The following DYSF variants were observed in gnomAD, a reference collection of about 807,000 sequenced individuals.
DYSF encodes dysferlin, also known as dystrophy-associated fer-1-like 1.
In DYSF, 212 loss-of-function variants were observed where a neutral mutation model predicts 274.9. The observed-to-expected ratio is 0.77, with a 90% CI of 0.69 to 0.86. The LOEUF is 0.86. DYSF is among the 40% of genes least tolerant of loss of function. DYSF has a pLI of 0.00. For synonymous variants in DYSF, 1,091 were observed against 1,078.7 expected, an observed-to-expected ratio of 1.01 and a Z score of -0.22; for missense variants, 2,666 against 2,783.2, an observed-to-expected ratio of 0.96 and a Z score of 0.95.
chr2:71,553,752 A>AAACC, intron 20 of DYSF, 55 bp from the exon 21 acceptor site: 39 of 267,792 alleles, frequency 1.5e-4, no homozygotes, highest in Non-Finnish European at 2.1e-4. Context: ...TTAGCACCCC[A>AAACC]TCCCACCCGC....
rs1377173409 is a variant in DYSF, at chr2:71,640,391, T to G, written c.4528-3574T>G. Among the ~76,000 whole-genome samples, 4 of 152,356 alleles carry G rather than the reference T, an allele frequency of 2.6e-5. No homozygotes were observed. In the South Asian group the frequency reaches 6.2e-4, roughly 24 times the overall value. On this transcript the variant is annotated intron_variant, in intron 41 of 55. Transcript: ENST00000410020. ...CATTTTTTGTTTTTGTTTTGCATATTATAAACTAGGGGCTGGCAAATTTTT... is the reference window on the plus strand; with the variant it reads ...CATTTTTTGTTTTTGTTTTGCATATGATAAACTAGGGGCTGGCAAATTTTT...
intron 30 of DYSF, among the ~76,000 whole-genome samples, chr2:71,574,910 C>A (rs1233738350): frequency 6.6e-6 from 1 of 152,052 alleles, no homozygotes; most frequent in Non-Finnish European, 1.5e-5. Context: ...TTCTCCAGGG[C>A]CGGGGTGACG....
chr2:71,564,930 G>C (rs1434379413), intron 24 of DYSF, among the ~76,000 whole-genome samples: 2 of 152,198 alleles, frequency 1.3e-5, no homozygotes, highest in African/African-American at 4.8e-5. Flanking sequence ...AAGCTGCTGT[G>C]GTCATGGTGT....
chr2:71,623,706 CTTAAAGT>C (rs1000006955), intron 41 of DYSF, among the ~76,000 whole-genome samples: 104 of 152,148 alleles, frequency 6.8e-4, no homozygotes, highest in Admixed American at 1.8e-3. Flanking sequence ...GTAGAGTCCT[CTTAAAGT>C]TTAAGATGCC....
intron 16 of DYSF, 116 bp downstream of exon 16, chr2:71,535,427 A>T (rs1464551970): frequency 7.1e-6 from 8 of 1,125,396 alleles, no homozygotes; most frequent in Non-Finnish European, 1.1e-5. Flanking sequence ...GTTTCAGGTG[A>T]GGTAATGTCC....
intron 42 of DYSF, among the ~76,000 whole-genome samples, chr2:71,645,336 G>A (rs777970245): frequency 5.3e-5 from 8 of 152,074 alleles, no homozygotes; most frequent in Non-Finnish European, 8.8e-5. Flanking sequence ...CCCTGGAGTC[G>A]CGCTGCTCAG....
At chr2:71,619,474 C>T (rs566960281) in intron 40 of DYSF, among the ~76,000 whole-genome samples, 1 of 152,296 alleles carries the variant, frequency 6.6e-6, no homozygotes, top group Non-Finnish European at 1.5e-5. Flanking sequence ...GCTTCACCTT[C>T]CGTGGGTTTC....
chr2:71,480,837 A>G, intron 1 of DYSF, 46 bp from the exon 2 acceptor site: 4 of 1,574,718 alleles, frequency 2.5e-6, no homozygotes, highest in Non-Finnish European at 3.5e-6. Flanking sequence ...GCGGAAGGTG[A>G]AAGGCGGGAT....
At chr2:71,635,626 G>A (rs1268232290) in intron 41 of DYSF, among the ~76,000 whole-genome samples, 1 of 151,592 alleles carries the variant, frequency 6.6e-6, no homozygotes, top group Middle Eastern at 3.2e-3. Flanking sequence ...GCACACACCT[G>A]TAATCCCAGC....
chr2:71,617,850 G>A (rs995477824), intron 40 of DYSF, among the ~76,000 whole-genome samples: 2 of 109,566 alleles, frequency 1.8e-5, no homozygotes, highest in African/African-American at 6.4e-5. Flanking sequence ...GTGTGGTAGA[G>A]ATGGGGTGTG....
Position 71,568,319 on chromosome 2 carries a change from T to A in DYSF, c.2845T>A (p.Phe949Ile). The change falls in exon 26 of 56, where the codon TTC becomes ATC. Residue 949 changes from phenylalanine (F) to isoleucine (I), a missense_variant. Phe to Ile is a conservative substitution (Grantham distance 21, BLOSUM62 0). Coordinates refer to ENST00000410020, the MANE Select transcript of DYSF (RefSeq NM_001130987.2). ...CGGCTGGACCTGGGCTGGAGATTGG[T>A]TCGTGTGTCCGGAGAAGACGTGAGT... ...SAGWTWAGDW[F>I]VCPEKTLLHD... The A allele has an allele frequency of 1.2e-6, 2 of 1,614,116 alleles. No homozygotes were observed. Among genetic ancestry groups the A allele is most frequent in the Non-Finnish European group, 8.5e-7 (1 of 1,179,996 alleles).
chr2:71,650,386 C>T (rs1304902931), intron 42 of DYSF, among the ~76,000 whole-genome samples: 1 of 152,150 alleles, frequency 6.6e-6, no homozygotes, highest in East Asian at 1.9e-4. Flanking sequence ...GAGGCTGAGA[C>T]AGGAGAATCG....
upstream of DYSF, chr2:71,466,614 G>C: frequency 8.1e-7 from 1 of 1,239,422 alleles, no homozygotes; most frequent in Non-Finnish European, 1.0e-6. Flanking sequence ...CCGCGGGCAG[G>C]GCGGATCTGG....
At chr2:71,488,942 C>T (rs2083579937) in intron 3 of DYSF, among the ~76,000 whole-genome samples, 1 of 150,732 alleles carries the variant, frequency 6.6e-6, no homozygotes, top group Non-Finnish European at 1.5e-5. Context: ...TCCTGAGCCC[C>T]AATGCTCCTT....
rs377398673 is a variant in DYSF at position 71,669,221 on chromosome 2, G to C, written c.5642+14G>C. On this transcript the variant is annotated intron_variant, in intron 50 of 55. Coordinates refer to ENST00000410020, the MANE Select transcript of DYSF (RefSeq NM_001130987.2). ...TTATGTGAAAGGGTAGGGAGCCAGC[G>C]TCCTCTTGCCTGTCCAGCTTCCCGC... 4 of 1,589,836 alleles carry C rather than the reference G, an allele frequency of 2.5e-6. No individual in the cohort carries two copies. The highest frequency in any genetic ancestry group is 4.5e-5 in the East Asian group (2 of 44,382).
intron 16 of DYSF, among the ~76,000 whole-genome samples, chr2:71,536,052 G>C (rs2089302933): frequency 6.6e-6 from 1 of 152,204 alleles, no homozygotes; most frequent in South Asian, 2.1e-4. Context: ...TGTTTCCAAA[G>C]CCTGCGTTCC....
chr2:71,608,727 G>A (rs866250569), intron 36 of DYSF, among the ~76,000 whole-genome samples: 15 of 148,418 alleles, frequency 1.0e-4, no homozygotes, highest in South Asian at 4.2e-4. Flanking sequence ...TCATCACCAC[G>A]GAGCTCGAGG....
chr2:71,511,952 C>A, intron 5 of DYSF, 31 bp downstream of exon 5: 1 of 1,417,168 alleles, frequency 7.1e-7, no homozygotes, highest in Non-Finnish European at 9.7e-7. Flanking sequence ...TGGCTGGGCC[C>A]CAGCAAGAAG....
chr2:71,494,455 A>G (rs2084178933), intron 3 of DYSF, among the ~76,000 whole-genome samples: 1 of 152,184 alleles, frequency 6.6e-6, no homozygotes, highest in African/African-American at 2.4e-5. Flanking sequence ...GATGGTGCAA[A>G]TATCCTGCTT....
Sources: allele counts gnomAD v4.1 joint callset (sites outside exome capture counted in the v4.1 genomes callset), GRCh38; gene constraint gnomAD v4.1.1; transcripts MANE v1.5; gene names NCBI Gene and HGNC (gene_info 2026-07-23, HGNC 2026-07-21).